Variants in NEGR1 observed in about 807,000 individuals in gnomAD.
NEGR1 encodes the protein IgLON family member 4.
A neutral mutation model predicts 40.9 loss-of-function variants in NEGR1; 10 were observed. That is an observed-to-expected ratio of 0.24 (90% CI 0.15 to 0.42). NEGR1 has a LOEUF of 0.42. Among genes scored for constraint, NEGR1 ranks in the 10% least tolerant of loss-of-function variants. NEGR1 has a pLI of 1.00. For synonymous variants in NEGR1, 185 were observed against 166.8 expected (o/e 1.11, Z -0.84); for missense variants, 352 against 438.9 (o/e 0.80, Z 1.77).
At chr1:72,251,630 T>C (rs947303210) in intron 1 of NEGR1, among the ~76,000 whole-genome samples, 9 of 152,190 alleles carry the variant, frequency 5.9e-5, no homozygotes, top group African/African-American at 2.2e-4. Flanking sequence ...ATGTCAATCA[T>C]TGTTATACTG....
At chr1:71,465,623 A>G (rs1212309319) in intron 6 of NEGR1, among the ~76,000 whole-genome samples, 1 of 151,924 alleles carries the variant, frequency 6.6e-6, no homozygotes, top group Non-Finnish European at 1.5e-5. Context: ...AGTATAATAG[A>G]CCTTTTTCAC....
At chr1:71,697,908 G>T in intron 4 of NEGR1, 100 bp downstream of exon 4, 1 of 1,174,044 alleles carries the variant, frequency 8.5e-7, no homozygotes, top group Non-Finnish European at 1.2e-6. Context: ...TTTACCAATA[G>T]ACAACCTCTT....
intron 6 of NEGR1, among the ~76,000 whole-genome samples, chr1:71,560,508 G>C (rs971891807): frequency 1.4e-5 from 2 of 145,168 alleles, no homozygotes; most frequent in African/African-American, 5.0e-5. Context: ...ACTGCTATCA[G>C]ATTGGGATAC....
chr1:71,942,058 G>C (rs1645964060), intron 1 of NEGR1, among the ~76,000 whole-genome samples: 1 of 150,976 alleles, frequency 6.6e-6, no homozygotes, highest in Admixed American at 6.6e-5. Context: ...TGCCAAGTTG[G>C]GTATATTTTA....
At chr1:72,208,973 C>T (rs913561727) in intron 1 of NEGR1, among the ~76,000 whole-genome samples, 9 of 151,664 alleles carry the variant, frequency 5.9e-5, no homozygotes, top group African/African-American at 2.2e-4. Context: ...TCTTGCTTGT[C>T]TCTTCTTTTC....
intron 6 of NEGR1, among the ~76,000 whole-genome samples, chr1:71,478,267 C>T (rs1646834463): frequency 6.6e-6 from 1 of 151,904 alleles, no homozygotes; most frequent in Non-Finnish European, 1.5e-5. Flanking sequence ...TGATTAAAAT[C>T]CTTCAAAATC....
At chr1:71,558,308 A>G (rs1648318680) in intron 6 of NEGR1, among the ~76,000 whole-genome samples, 1 of 151,672 alleles carries the variant, frequency 6.6e-6, no homozygotes, top group Non-Finnish European at 1.5e-5. Context: ...CATAGCAATT[A>G]AAACATATTC....
chr1:72,192,488 G>C (rs1570103348), intron 1 of NEGR1, among the ~76,000 whole-genome samples: 1 of 151,768 alleles, frequency 6.6e-6, no homozygotes, highest in African/African-American at 2.4e-5. Flanking sequence ...TAAGAGTACT[G>C]ATTCCACATA....
chr1:72,157,093 G>C (rs541119106), intron 1 of NEGR1, among the ~76,000 whole-genome samples: 13 of 152,102 alleles, frequency 8.5e-5, no homozygotes, highest in African/African-American at 3.1e-4. Context: ...TTCCTGAGTA[G>C]CTGGGACTAT....
At position 72,232,787 on chromosome 1, in the gene NEGR1, T is replaced by C. The variant is rs139761675; in HGVS notation, c.176+49532A>G. Among the ~76,000 whole-genome samples, 33 of 152,294 alleles carry C rather than the reference T, an allele frequency of 2.2e-4. No individual in the cohort carries two copies. In the East Asian group the frequency reaches 6.2e-3, roughly 29 times the overall value. On this transcript the variant is annotated intron_variant, in intron 1 of 6. Transcript: ENST00000357731. ...AAACAATATAGGTCATTAGCCATCC[T>C]TGTATTTCCAAGAATTTTATTGTTA...
Position 71,402,474 on chromosome 1 carries a change from T to C in NEGR1, c.*4972A>G, listed in dbSNP as rs973669242. On this transcript the variant is annotated 3_prime_UTR_variant, in exon 7 of 7. Transcript: ENST00000357731. ...CTTCTAGGGAGAAGAATGAAACGTATTCCTCTTTTCCTTTTCTCTAGGAAT... is the reference window on the plus strand; with the variant it reads ...CTTCTAGGGAGAAGAATGAAACGTACTCCTCTTTTCCTTTTCTCTAGGAAT... The C allele has an allele frequency of 3.9e-5, 6 of 152,164 alleles. No individual in the cohort carries two copies. The highest frequency in any genetic ancestry group is 7.4e-5 in the Non-Finnish European group (5 of 68,010). The allele number at this position is 152,164 out of a possible 1,614,324, so 9.4% of individuals were successfully genotyped here.
intron 2 of NEGR1, among the ~76,000 whole-genome samples, chr1:71,886,554 G>A (rs648556): frequency 0.31 from 46,530 of 151,688 alleles, 7,427 homozygotes; most frequent in East Asian, 0.61. Flanking sequence ...CTAACCAGGT[G>A]AATTATTTAT....
intron 1 of NEGR1, among the ~76,000 whole-genome samples, chr1:72,224,547 C>T (rs1385889154): frequency 6.6e-6 from 1 of 152,042 alleles, no homozygotes; most frequent in African/African-American, 2.4e-5. Context: ...GAGGTGGGTG[C>T]TATTATGATT....
chr1:71,473,560 C>A (rs1439006751), intron 6 of NEGR1, among the ~76,000 whole-genome samples: 1 of 152,036 alleles, frequency 6.6e-6, no homozygotes, highest in Non-Finnish European at 1.5e-5. Context: ...TCCTTATAAC[C>A]ATGCCAAAGA....
chr1:72,020,784 G>A (rs545674702), intron 1 of NEGR1, among the ~76,000 whole-genome samples: 46 of 152,076 alleles, frequency 3.0e-4, no homozygotes, highest in Admixed American at 8.5e-4. Flanking sequence ...AATTTTGGAG[G>A]GATTTTTATA....
At chr1:72,206,513 T>C (rs1653403346) in intron 1 of NEGR1, among the ~76,000 whole-genome samples, 1 of 152,084 alleles carries the variant, frequency 6.6e-6, no homozygotes, top group Non-Finnish European at 1.5e-5. Context: ...CTTGATCTTA[T>C]TTAATGGCCA....
At chr1:72,051,531 G>GA (rs1314136038) in intron 1 of NEGR1, among the ~76,000 whole-genome samples, 1 of 151,248 alleles carries the variant, frequency 6.6e-6, no homozygotes, top group Non-Finnish European at 1.5e-5. Context: ...TTGTTGCATC[G>GA]AAAAAAATTT....
chr1:71,763,324 CTTTA>C (rs1362215536), intron 3 of NEGR1, among the ~76,000 whole-genome samples: 2 of 152,176 alleles, frequency 1.3e-5, no homozygotes, highest in Admixed American at 6.5e-5. Flanking sequence ...TAGTAACTGG[CTTTA>C]TTTGTCTTTG....
chr1:72,036,627 G>A (rs1383895110), intron 1 of NEGR1, among the ~76,000 whole-genome samples: 1 of 143,828 alleles, frequency 7.0e-6, no homozygotes, highest in African/African-American at 2.6e-5. Context: ...TTGTACTCCA[G>A]CCTGGGAGAC....
Sources: gnomAD v4.1 joint callset for allele counts (sites outside exome capture counted in the v4.1 genomes callset) on GRCh38, gnomAD v4.1.1 for gene constraint, MANE v1.5 for transcripts, NCBI Gene and HGNC (gene_info 2026-07-23, HGNC 2026-07-21) for gene names.